TMPRSS4: variants seen among roughly 807,000 people sequenced by gnomAD.
TMPRSS4 encodes transmembrane serine protease 4.
Under a neutral mutation model 56.4 loss-of-function variants are expected in TMPRSS4, and 45 were observed. That is an observed-to-expected ratio of 0.80 (90% CI 0.63 to 1.02). The LOEUF is 1.02. Among genes scored for constraint, TMPRSS4 ranks in the 50% least tolerant of loss-of-function variants. TMPRSS4 has a pLI of 0.00. For synonymous variants in TMPRSS4, 205 were observed against 211.0 expected (o/e 0.97, Z 0.25); for missense variants, 546 against 556.7 (o/e 0.98, Z 0.19).
At chr11:118,087,973 C>T (rs907118777) in intron 1 of TMPRSS4, among the ~76,000 whole-genome samples, 2 of 152,156 alleles carry the variant, frequency 1.3e-5, no homozygotes, top group African/African-American at 4.8e-5. Flanking sequence ...GAGCCCAGAA[C>T]TGAGCAAAGT....
chr11:118,077,226 G>A lies in TMPRSS4; in HGVS notation c.-77G>A, dbSNP rs961965363. The stretch of plus-strand genomic sequence containing the variant: ...CTGCTGGCCAGCCAGGACCTGTGTG[G>A]GGAGGCCCTCCTGCTGCCTTGGGGT... On this transcript the variant is annotated 5_prime_UTR_variant, in exon 1 of 13. Coordinates refer to ENST00000437212, the MANE Select transcript of TMPRSS4 (RefSeq NM_019894.4). 36 of 1,554,982 alleles carry A rather than the reference G, an allele frequency of 2.3e-5. No individual in the cohort carries two copies. Among genetic ancestry groups the A allele is most frequent in the Non-Finnish European group, 3.1e-5 (35 of 1,146,504 alleles).
chr11:118,124,222 T>C (rs1394467088), downstream of TMPRSS4, among the ~76,000 whole-genome samples: 1 of 152,064 alleles, frequency 6.6e-6, no homozygotes, highest in Non-Finnish European at 1.5e-5. Context: ...CTGTCTCTAC[T>C]AAAAATACAA....
intron 2 of TMPRSS4, among the ~76,000 whole-genome samples, chr11:118,098,203 C>T (rs952509035): frequency 1.3e-5 from 2 of 152,202 alleles, no homozygotes; most frequent in East Asian, 3.9e-4. Context: ...CTGCCTTCAC[C>T]CATCCTGCCT....
At chr11:118,093,861 G>C (rs1224551845) in intron 1 of TMPRSS4, among the ~76,000 whole-genome samples, 3 of 149,902 alleles carry the variant, frequency 2.0e-5, no homozygotes, top group African/African-American at 7.4e-5. Flanking sequence ...TATCACTATA[G>C]ATTAACCTTG....
rs993448371 is a variant in TMPRSS4 at position 118,117,464 on chromosome 11, C to G, written c.1302+10C>G. On this transcript the variant is annotated intron_variant, in intron 12 of 12. Transcript: ENST00000437212. ...CTACAATGTCTGGAAGGTAAGGTAC[C>G]TTTGCCCTACCCACTGTGCCTTCCC... 2.0e-5 allele frequency: 32 copies of G among 1,607,772 alleles called. No individual in the cohort carries two copies. Among genetic ancestry groups the G allele is most frequent in the Non-Finnish European group, 2.6e-5 (31 of 1,176,194 alleles).
intron 1 of TMPRSS4, among the ~76,000 whole-genome samples, chr11:118,085,749 C>G (rs1212072093): frequency 6.6e-6 from 1 of 152,144 alleles, no homozygotes; most frequent in Non-Finnish European, 1.5e-5. Context: ...GTGGCGGGAC[C>G]CCTTCTGGCC....
chr11:118,117,511 T>G, intron 12 of TMPRSS4, 57 bp downstream of exon 12: 1 of 1,549,674 alleles, frequency 6.5e-7, no homozygotes, highest in Non-Finnish European at 8.7e-7. Context: ...ACCTGGGGGG[T>G]GCCAATCCAT....
chr11:118,081,011 T>C (rs1390522637), intron 1 of TMPRSS4, among the ~76,000 whole-genome samples: 1 of 152,238 alleles, frequency 6.6e-6, no homozygotes, highest in Non-Finnish European at 1.5e-5. Context: ...TGGGAGCTTC[T>C]TGAGGACAGG....
rs748757383 is a variant in TMPRSS4, at chr11:118,117,391, G to A, written c.1239G>A (p.Pro413=). 4.2e-5 allele frequency: 67 copies of A among 1,613,976 alleles called. No homozygotes were observed. The highest frequency in any genetic ancestry group is 2.2e-4 in the Admixed American group (13 of 59,996). ...IVSWGYGCGG[P]STPGVYTKVS... is the part of the protein sequence containing the mutation. ...GTTGGGGCTATGGCTGCGGGGGCCC[G>A]AGCACCCCAGGAGTATACACCAAGG... Residue 413 remains proline, a synonymous_variant, in exon 12 of 13, where the codon CCG becomes CCA. Transcript: ENST00000437212.
rs138171987 is a variant in TMPRSS4 at position 118,102,329 on chromosome 11, C to T, written c.158-772C>T. 4.1e-4 allele frequency among the ~76,000 whole-genome samples: 63 copies of T among 152,318 alleles called. 1 individual carries two copies. The East Asian group carries it at 0.011, about 26-fold the overall frequency. ...ATCATACCACATGCTCTCAACAGCC[C>T]TGCGAGGCAGATATTATAGATATCA... On this transcript the variant is annotated intron_variant, in intron 3 of 12. Coordinates refer to ENST00000437212, the MANE Select transcript of TMPRSS4 (RefSeq NM_019894.4).
intron 1 of TMPRSS4, chr11:118,086,926 G>A (rs1945600649): frequency 6.6e-6 from 1 of 152,538 alleles, no homozygotes; most frequent in African/African-American, 2.4e-5. Context: ...GAGCACTGTG[G>A]CCGGGCCCCA....
In TMPRSS4 at chr11:118,118,078, C is replaced by T; in HGVS notation, c.*165C>T. 6.8e-7 allele frequency: 1 copy of T among 1,467,794 alleles called. No homozygotes were observed. Among genetic ancestry groups the T allele is most frequent in the South Asian group, 1.4e-5 (1 of 72,316 alleles). 90.9% of individuals were successfully genotyped at this position (1,467,794 alleles called of 1,614,324 possible). On this transcript the variant is annotated 3_prime_UTR_variant, in exon 13 of 13. Transcript: ENST00000437212. The stretch of plus-strand genomic sequence containing the variant: ...AAGGGCCTCAATTCCTATAAGAGAC[C>T]CTCGCAGCCCAGAGGCGCCCAGAGG...
Position 118,120,839 on chromosome 11 carries a change from A to T in TMPRSS4, c.*2926A>T, listed in dbSNP as rs1396283350. The T allele has an allele frequency of 1.3e-5, 2 of 152,232 alleles. No homozygotes were observed. Among genetic ancestry groups the T allele is most frequent in the Non-Finnish European group, 2.9e-5 (2 of 68,050 alleles). The allele number at this position is 152,232 out of a possible 1,614,324, so 9.4% of individuals were successfully genotyped here. On this transcript the variant is annotated 3_prime_UTR_variant, in exon 13 of 13. Coordinates refer to ENST00000437212, the MANE Select transcript of TMPRSS4 (RefSeq NM_019894.4). ...GAGATAAGAGCTGAGAATGTTCCAGAATTGATAAAAGGTGTGAATCCACAG... is the reference window on the plus strand; with the variant it reads ...GAGATAAGAGCTGAGAATGTTCCAGTATTGATAAAAGGTGTGAATCCACAG...
At chr11:118,105,460 T>C (rs1180293131) in intron 5 of TMPRSS4, 3 of 152,062 alleles carry the variant, frequency 2.0e-5, no homozygotes. Context: ...ATTTCATAAA[T>C]AGGCTCAAAC....
In TMPRSS4 at chr11:118,117,449, T is replaced by C; in HGVS notation, c.1297T>C (p.Trp433Arg). The change falls in exon 12 of 13, where the codon TGG becomes CGG. Residue 433 changes from tryptophan (W) to arginine (R), a missense_variant. Coordinates refer to ENST00000437212, the MANE Select transcript of TMPRSS4 (RefSeq NM_019894.4). ...CTATCTCAACTGGATCTACAATGTC[T>C]GGAAGGTAAGGTACCTTTGCCCTAC... The part of the protein sequence containing the change: ...SAYLNWIYNV[W>R]KAEL The C allele has an allele frequency of 1.2e-6, 2 of 1,612,922 alleles. No individual in the cohort carries two copies. The highest frequency in any genetic ancestry group is 1.7e-6 in the Non-Finnish European group (2 of 1,179,224).
At chr11:118,085,442 C>T (rs1945473341) in intron 1 of TMPRSS4, among the ~76,000 whole-genome samples, 2 of 152,076 alleles carry the variant, frequency 1.3e-5, no homozygotes, top group Non-Finnish European at 2.9e-5. Flanking sequence ...CCAGGCTGGT[C>T]TCAAACTCCT....
intron 3 of TMPRSS4, among the ~76,000 whole-genome samples, chr11:118,101,612 C>A (rs564167547): frequency 6.6e-6 from 1 of 152,052 alleles, no homozygotes; most frequent in Non-Finnish European, 1.5e-5. Context: ...TAGCTAGGAC[C>A]ACAGGGGCAC....
intron 1 of TMPRSS4, among the ~76,000 whole-genome samples, chr11:118,089,794 C>T (rs1039689532): frequency 1.3e-5 from 2 of 152,202 alleles, no homozygotes; most frequent in African/African-American, 2.4e-5. Flanking sequence ...AGATTCTGTG[C>T]TATATGTAAT....
downstream of TMPRSS4, among the ~76,000 whole-genome samples, chr11:118,124,795 T>C (rs1170337874): frequency 1.3e-5 from 2 of 152,220 alleles, no homozygotes; most frequent in African/African-American, 4.8e-5. Flanking sequence ...TTTGTGAAAA[T>C]TGACTACATA....
Sources: gnomAD v4.1 joint callset for allele counts (sites outside exome capture counted in the v4.1 genomes callset) on GRCh38, gnomAD v4.1.1 for gene constraint, MANE v1.5 for transcripts, NCBI Gene and HGNC (gene_info 2026-07-23, HGNC 2026-07-21) for gene names.